Variants in OR1J2 observed in about 807,000 individuals in gnomAD.
The protein encoded by OR1J2 is olfactory receptor family 1 subfamily J member 2.
For synonymous variants in OR1J2, 142 were observed against 99.7 expected (o/e 1.42, Z -2.52); for missense variants, 304 against 246.1 (o/e 1.24, Z -1.57).
the OR1J2 span, among the ~76,000 whole-genome samples, chr9:122,563,538 A>G: frequency 1.1e-4 from 17 of 152,188 alleles, no homozygotes; most frequent in Non-Finnish European, 2.1e-4. Flanking sequence ...ATAGTTTGCA[A>G]ATATTTTCTC....
the OR1J2 span, among the ~76,000 whole-genome samples, chr9:122,522,090 G>A: frequency 2.6e-5 from 4 of 152,306 alleles, no homozygotes; most frequent in South Asian, 8.3e-4. Context: ...CATTGGAAGT[G>A]TGCACTTTAT....
At chr9:122,477,159 A>C in the OR1J2 span, 1 of 1,614,204 alleles carries the variant, frequency 6.2e-7, no homozygotes, top group South Asian at 1.1e-5. Context: ...AATAGAGACC[A>C]ATAATTGTCC....
At chr9:122,528,419 A>G in the OR1J2 span, among the ~76,000 whole-genome samples, 1 of 152,122 alleles carries the variant, frequency 6.6e-6, no homozygotes, top group African/African-American at 2.4e-5. Flanking sequence ...CCAACATGAC[A>G]AAACCCCATC....
chr9:122,568,352 C>T, the OR1J2 span: 1 of 1,613,886 alleles, frequency 6.2e-7, no homozygotes, highest in African/African-American at 1.3e-5. Context: ...TGAGCAGGTT[C>T]CCTGTTATGG....
downstream of OR1J2, among the ~76,000 whole-genome samples, chr9:122,512,848 A>G: frequency 6.6e-6 from 1 of 152,198 alleles, no homozygotes; most frequent in East Asian, 1.9e-4. Flanking sequence ...ATGTCACTCA[A>G]AATGCTCTGA....
the OR1J2 span, among the ~76,000 whole-genome samples, chr9:122,537,662 C>T: frequency 6.6e-6 from 1 of 152,140 alleles, no homozygotes; most frequent in Non-Finnish European, 1.5e-5. Flanking sequence ...TTGGTTCTTC[C>T]TATCCATGAG....
chr9:122,565,707 T>C, the OR1J2 span, among the ~76,000 whole-genome samples: 1 of 152,252 alleles, frequency 6.6e-6, no homozygotes, highest in Non-Finnish European at 1.5e-5. Context: ...AGTTTTTAAC[T>C]TACCTTCTCC....
the OR1J2 span, chr9:122,568,532 C>T: frequency 5.0e-6 from 5 of 1,006,562 alleles, no homozygotes; most frequent in Non-Finnish European, 7.4e-6. Context: ...GCTCTGATTT[C>T]ATAACACCAA....
chr9:122,545,389 G>T, the OR1J2 span, among the ~76,000 whole-genome samples: 1 of 151,972 alleles, frequency 6.6e-6, no homozygotes, highest in Non-Finnish European at 1.5e-5. Flanking sequence ...CTATCTACTT[G>T]TTCTACCAGC....
At chr9:122,527,105 G>C in the OR1J2 span, 1 of 1,614,228 alleles carries the variant, frequency 6.2e-7, no homozygotes, top group Non-Finnish European at 8.5e-7. Flanking sequence ...CAAAAGACAG[G>C]TTGGCCAAGA....
the OR1J2 span, among the ~76,000 whole-genome samples, chr9:122,579,552 A>G: frequency 6.6e-6 from 1 of 152,208 alleles, no homozygotes. Context: ...TACAAAGGGT[A>G]TAAGTGAGGG....
At chr9:122,572,471 G>A in the OR1J2 span, among the ~76,000 whole-genome samples, 1 of 152,138 alleles carries the variant, frequency 6.6e-6, no homozygotes, top group Non-Finnish European at 1.5e-5. Flanking sequence ...CGGGGAAAAA[G>A]GAAGAAGGTT....
At chr9:122,505,797 G>T in the OR1J2 span, among the ~76,000 whole-genome samples, 62,777 of 151,466 alleles carry the variant, frequency 0.41, 13,871 homozygotes, top group East Asian at 0.54. Flanking sequence ...TAGATTTTGC[G>T]TGTCAACTTG....
At chr9:122,465,566 C>A in the OR1J2 span, among the ~76,000 whole-genome samples, 1 of 152,192 alleles carries the variant, frequency 6.6e-6, no homozygotes, top group Admixed American at 6.5e-5. Context: ...GCTCCCCAAA[C>A]TTGTTTTGTT....
At chr9:122,482,542 A>G in the OR1J2 span, among the ~76,000 whole-genome samples, 1 of 152,222 alleles carries the variant, frequency 6.6e-6, no homozygotes, top group Non-Finnish European at 1.5e-5. Context: ...AAATACAGTC[A>G]GTAACTTGGA....
chr9:122,539,009 C>T, the OR1J2 span, among the ~76,000 whole-genome samples: 2 of 151,896 alleles, frequency 1.3e-5, no homozygotes, highest in Non-Finnish European at 2.9e-5. Context: ...CACATGTACC[C>T]CCTGAATCTA....
At chr9:122,497,106 C>T in the OR1J2 span, among the ~76,000 whole-genome samples, 3 of 152,158 alleles carry the variant, frequency 2.0e-5, no homozygotes, top group African/African-American at 7.2e-5. Flanking sequence ...GGGCTAAGAA[C>T]TTTCCCAGAC....
chr9:122,531,382 C>A, the OR1J2 span, among the ~76,000 whole-genome samples: 1 of 152,214 alleles, frequency 6.6e-6, no homozygotes, highest in South Asian at 2.1e-4. Flanking sequence ...GCAGTGTAAA[C>A]AAGAGCAGGG....
chr9:122,499,811 C>T, the OR1J2 span, among the ~76,000 whole-genome samples: 25 of 152,300 alleles, frequency 1.6e-4, 1 homozygote, highest in African/African-American at 6.0e-4. Context: ...TGTTTTCTGC[C>T]TGGAAGTGGA....
Sources: allele counts gnomAD v4.1 joint callset (sites outside exome capture counted in the v4.1 genomes callset), GRCh38; gene constraint gnomAD v4.1.1; transcripts MANE v1.5; gene names NCBI Gene and HGNC (gene_info 2026-07-23, HGNC 2026-07-21).